The following LTBP2 variants were observed in gnomAD, a reference collection of about 807,000 sequenced individuals.
LTBP2 encodes latent-transforming growth factor beta-binding protein 2.
Under a neutral mutation model 210.6 loss-of-function variants are expected in LTBP2, and 103 were observed. The observed-to-expected ratio is 0.49, with a 90% CI of 0.42 to 0.58. The LOEUF is 0.58. Among genes scored for constraint, LTBP2 ranks in the 20% least tolerant of loss-of-function variants. The pLI is 0.00. For synonymous variants in LTBP2, 1,007 were observed against 1,015.0 expected (o/e 0.99, Z 0.15); for missense variants, 2,313 against 2,494.5 (o/e 0.93, Z 1.55).
chr14:74,584,989 T>C (rs1199726766), intron 3 of LTBP2, among the ~76,000 whole-genome samples: 2 of 152,154 alleles, frequency 1.3e-5, no homozygotes, highest in Non-Finnish European at 2.9e-5. Flanking sequence ...CAAGGCAAGG[T>C]TGCAACATTT....
chr14:74,554,794 G>T (rs2139751224), intron 4 of LTBP2, among the ~76,000 whole-genome samples: 1 of 152,200 alleles, frequency 6.6e-6, no homozygotes, highest in East Asian at 1.9e-4. Flanking sequence ...CCTTTAAAAT[G>T]GTTAATTTTA....
At chr14:74,579,188 C>T (rs1274041334) in intron 3 of LTBP2, among the ~76,000 whole-genome samples, 2 of 152,222 alleles carry the variant, frequency 1.3e-5, no homozygotes, top group Admixed American at 1.3e-4. Flanking sequence ...TGCCTCGTCA[C>T]TGGGAAAACC....
At chr14:74,592,141 T>C (rs1159049861) in intron 2 of LTBP2, among the ~76,000 whole-genome samples, 1 of 152,216 alleles carries the variant, frequency 6.6e-6, no homozygotes, top group Admixed American at 6.5e-5. Context: ...AACATTCCTA[T>C]GCCAAATGAG....
rs1445454826 is a variant in LTBP2 at position 74,505,060 on chromosome 14, G to T, written c.4292C>A (p.Thr1431Asn). The change falls in exon 29 of 36, where the codon ACC (threonine) becomes AAC (asparagine). Residue 1431 changes from threonine (T) to asparagine (N), a missense_variant. Transcript: ENST00000261978. ...APCSSVLGRNTTQAECCCTQG... is the reference protein window; with the variant it reads ...APCSSVLGRNNTQAECCCTQG... ...GGTGCAGCAGCATTCAGCCTGTGTG[G>T]TGTTCCGGCCCAGGACACTGGAGCA... The T allele has an allele frequency of 3.1e-6, 5 of 1,614,154 alleles. No homozygotes were observed. The highest frequency in any genetic ancestry group is 4.2e-6 in the Non-Finnish European group (5 of 1,180,032).
At position 74,502,748 on chromosome 14, in the gene LTBP2, G is replaced by A. The variant is rs776317067; in HGVS notation, c.5075C>T (p.Pro1692Leu). 13 of 1,614,224 alleles carry A rather than the reference G, an allele frequency of 8.1e-6. No homozygotes were observed. Among genetic ancestry groups the A allele is most frequent in the Non-Finnish European group, 1.1e-5 (13 of 1,180,044 alleles). The change falls in exon 34 of 36, where the codon CCC (proline) becomes CTC (leucine). Residue 1692 changes from proline (P) to leucine (L), a missense_variant. Physicochemically the swap from Pro to Leu is moderately conservative, Grantham distance 98 (BLOSUM62 -3). Coordinates refer to ENST00000261978, the MANE Select transcript of LTBP2 (RefSeq NM_000428.3). ...PEDTVPEPAFPNTAGHSADRT... is the reference protein window; with the variant it reads ...PEDTVPEPAFLNTAGHSADRT... ...GTCCGCTGAGTGACCGGCTGTGTTGGGGAAGGCAGGCTCAGGGACGGTGTC... is the reference window on the plus strand; with the variant it reads ...GTCCGCTGAGTGACCGGCTGTGTTGAGGAAGGCAGGCTCAGGGACGGTGTC...
intron 6 of LTBP2, 106 bp from the exon 7 acceptor site, chr14:74,551,456 T>C: frequency 1.8e-6 from 2 of 1,096,214 alleles, no homozygotes; most frequent in Non-Finnish European, 2.6e-6. Context: ...CCACTGGCTA[T>C]GTGTCACCCC....
At chr14:74,611,409 G>C (rs753298564) in intron 1 of LTBP2, 42 bp downstream of exon 1, 8 of 1,417,730 alleles carry the variant, frequency 5.6e-6, no homozygotes, top group Non-Finnish European at 7.3e-6. Flanking sequence ...ATGAGCCCTG[G>C]CTCCCCTCTG....
In LTBP2 at chr14:74,502,088, A is replaced by G. The variant is rs148294242; in HGVS notation, c.5171-498T>C. The G allele has an allele frequency of 1.2e-3, 333 of 280,070 alleles. 1 individual carries two copies. The highest frequency in any genetic ancestry group is 7.1e-3 in the African/African-American group (322 of 45,488). 17.3% of individuals were successfully genotyped at this position (280,070 alleles called of 1,614,324 possible). On this transcript the variant is annotated intron_variant, in intron 34 of 35. Coordinates refer to ENST00000261978, the MANE Select transcript of LTBP2 (RefSeq NM_000428.3). The stretch of plus-strand genomic sequence containing the variant: ...ACCCCTCCACCCCATGGAAAAGGCC[A>G]CACCCTACCCAGAGGTATGGTTTTA...
At position 74,526,110 on chromosome 14, in the gene LTBP2, G is replaced by A. The variant is rs551341275; in HGVS notation, c.2393C>T (p.Thr798Met). The A allele has an allele frequency of 3.4e-5, 54 of 1,602,654 alleles. No homozygotes were observed. The highest frequency in any genetic ancestry group is 2.0e-4 in the Admixed American group (12 of 58,754). Reference protein sequence around the residue: ...DKGDSQAGQVTTSVTHAPAWV... With the variant: ...DKGDSQAGQVMTSVTHAPAWV... Reference sequence around the variant, plus strand: ...GGCAGGTGCATGAGTGACACTGGTCGTGACCTGCACAGAAACAGGAGAAGG... The same window carrying A: ...GGCAGGTGCATGAGTGACACTGGTCATGACCTGCACAGAAACAGGAGAAGG... Residue 798 changes from threonine to methionine, a missense_variant, in exon 14 of 36, where the codon ACG (threonine) becomes ATG (methionine). Thr to Met is a moderately conservative substitution (Grantham distance 81, BLOSUM62 -1). Coordinates refer to ENST00000261978, the MANE Select transcript of LTBP2 (RefSeq NM_000428.3).
chr14:74,599,148 G>A (rs975646885), intron 2 of LTBP2, among the ~76,000 whole-genome samples: 1 of 152,248 alleles, frequency 6.6e-6, no homozygotes, highest in Non-Finnish European at 1.5e-5. Context: ...ACGAGGCCCT[G>A]TGGCTAGAAA....
intron 7 of LTBP2, 143 bp downstream of exon 7, chr14:74,550,921 G>C: frequency 9.2e-7 from 1 of 1,083,592 alleles, no homozygotes; most frequent in South Asian, 1.4e-5. Context: ...TCATGCCTTG[G>C]GTTTTCCCAT....
chr14:74,531,677 T>G (rs1441079107), intron 10 of LTBP2, among the ~76,000 whole-genome samples: 3 of 152,258 alleles, frequency 2.0e-5, no homozygotes, highest in Admixed American at 1.3e-4. Context: ...CAGGGAGCTC[T>G]GCTGAGCTGG....
At chr14:74,590,952 T>G (rs2088275010) in intron 2 of LTBP2, among the ~76,000 whole-genome samples, 1 of 152,132 alleles carries the variant, frequency 6.6e-6, no homozygotes, top group Admixed American at 6.5e-5. Context: ...AAACAATTTA[T>G]CCATGTAACC....
Position 74,611,752 on chromosome 14 carries a change from C to T in LTBP2, c.193G>A (p.Ala65Thr), listed in dbSNP as rs1174555484. Residue 65 changes from alanine (A) to threonine (T), a missense_variant, in exon 1 of 36, where the codon GCA becomes ACA. This residue lies in a region of LTBP2 where 1,867 missense variants were observed against 1,976.9 expected (regional missense o/e 0.94). Coordinates refer to ENST00000261978, the MANE Select transcript of LTBP2 (RefSeq NM_000428.3). ...CGGAACAGACTGTACACCTTGGCTG[C>T]AGCCGCTGCCGGGTAGCTGCCCCCA... ...RPGGSYPAAA[A>T]AKVYSLFREQ... is the part of the protein sequence containing the mutation. 1.9e-6 allele frequency: 3 copies of T among 1,606,682 alleles called. No homozygotes were observed. The highest frequency in any genetic ancestry group is 1.1e-5 in the South Asian group (1 of 90,818).
chr14:74,554,750 A>G (rs763383797), intron 4 of LTBP2, among the ~76,000 whole-genome samples: 3 of 152,212 alleles, frequency 2.0e-5, no homozygotes, highest in Admixed American at 6.5e-5. Context: ...GGTTGCACAC[A>G]ATTATAAATA....
chr14:74,503,012 C>A, intron 33 of LTBP2, 78 bp from the exon 34 acceptor site: 1 of 1,569,352 alleles, frequency 6.4e-7, no homozygotes. Flanking sequence ...TCTCTGGGAG[C>A]ATGCAAGGAC....
intron 10 of LTBP2, among the ~76,000 whole-genome samples, chr14:74,530,614 C>T (rs139630177): frequency 6.6e-6 from 1 of 152,184 alleles, no homozygotes; most frequent in Non-Finnish European, 1.5e-5. Context: ...CTCTGGGGCT[C>T]AAGCCATCCT....
chr14:74,573,853 AG>A (rs1156402375), intron 3 of LTBP2, among the ~76,000 whole-genome samples: 1 of 152,178 alleles, frequency 6.6e-6, no homozygotes, highest in Non-Finnish European at 1.5e-5. Context: ...TTCTGACCAC[AG>A]CTCTGCGCAG....
intron 8 of LTBP2, among the ~76,000 whole-genome samples, chr14:74,543,548 C>CCCTTTTTCCTTCCTT (rs2087540392): frequency 4.6e-5 from 3 of 65,364 alleles, no homozygotes; most frequent in Admixed American, 1.5e-4. Context: ...TTTCCTCCCT[C>CCCTTTTTCCTTCCTT]CCTCCCTTCC....
Sources: allele counts gnomAD v4.1 joint callset (sites outside exome capture counted in the v4.1 genomes callset), GRCh38; gene constraint gnomAD v4.1.1; regional missense constraint gnomAD v4.1.1; transcripts MANE v1.5; gene names NCBI Gene and HGNC (gene_info 2026-07-23, HGNC 2026-07-21).